Variants in CLSTN2 observed in about 807,000 individuals in gnomAD.
The protein encoded by CLSTN2 is calsyntenin 2, also known as calsyntenin-2.
In CLSTN2, 48 loss-of-function variants were observed where a neutral mutation model predicts 101.2. That is an observed-to-expected ratio of 0.47 (90% CI 0.38 to 0.60). CLSTN2 has a LOEUF of 0.60. Among genes scored for constraint, CLSTN2 ranks in the 20% least tolerant of loss-of-function variants. The pLI is 0.00. For missense variants in CLSTN2, 1,160 were observed against 1,238.2 expected, an observed-to-expected ratio of 0.94 and a Z score of 0.95; for synonymous variants, 481 against 463.6, an observed-to-expected ratio of 1.04 and a Z score of -0.48.
chr3:140,067,232 C>T (rs2008314997), intron 1 of CLSTN2, among the ~76,000 whole-genome samples: 1 of 149,080 alleles, frequency 6.7e-6, no homozygotes, highest in South Asian at 2.1e-4. Flanking sequence ...AGCAGAGTAA[C>T]ACATGCTTGG....
At chr3:140,462,125 C>T (rs1244443675) in intron 7 of CLSTN2, among the ~76,000 whole-genome samples, 1 of 152,086 alleles carries the variant, frequency 6.6e-6, no homozygotes, top group Non-Finnish European at 1.5e-5. Flanking sequence ...ACATTTAGTA[C>T]ATTTCATTAC....
intron 2 of CLSTN2, among the ~76,000 whole-genome samples, chr3:140,242,590 T>C (rs2086479281): frequency 6.6e-6 from 1 of 152,122 alleles, no homozygotes; most frequent in Non-Finnish European, 1.5e-5. Flanking sequence ...TTCCACTTGG[T>C]TGGGAACTAC....
intron 1 of CLSTN2, among the ~76,000 whole-genome samples, chr3:140,126,589 T>C (rs2009434938): frequency 6.6e-6 from 1 of 152,066 alleles, no homozygotes; most frequent in Non-Finnish European, 1.5e-5. Context: ...GCCTAGCATA[T>C]GGGTTTGGAG....
intron 1 of CLSTN2, among the ~76,000 whole-genome samples, chr3:140,030,706 G>A (rs1305451463): frequency 2.0e-5 from 3 of 152,304 alleles, no homozygotes; most frequent in African/African-American, 7.2e-5. Flanking sequence ...GAGAAAGATA[G>A]TTCTAATACT....
chr3:140,055,235 T>C (rs1246021823), intron 1 of CLSTN2, among the ~76,000 whole-genome samples: 1 of 152,248 alleles, frequency 6.6e-6, no homozygotes, highest in Non-Finnish European at 1.5e-5. Context: ...TTTCTTACTC[T>C]GCTTATCTTG....
intron 1 of CLSTN2, among the ~76,000 whole-genome samples, chr3:140,011,438 C>G (rs1226157138): frequency 1.3e-5 from 2 of 152,154 alleles, no homozygotes; most frequent in Non-Finnish European, 1.5e-5. Context: ...TCATTTTTCT[C>G]TACCGCAGAT....
At chr3:140,300,107 A>T (rs777957396) in intron 2 of CLSTN2, among the ~76,000 whole-genome samples, 1 of 152,170 alleles carries the variant, frequency 6.6e-6, no homozygotes, top group Admixed American at 6.5e-5. Context: ...TCTCGCTCCC[A>T]ATCTCCACCT....
At chr3:140,142,231 G>C (rs916890289) in intron 1 of CLSTN2, among the ~76,000 whole-genome samples, 1 of 152,180 alleles carries the variant, frequency 6.6e-6, no homozygotes, top group Non-Finnish European at 1.5e-5. Context: ...TGATGCTGAG[G>C]GCAGGGCTCG....
chr3:140,319,474 G>A (rs899420769), intron 2 of CLSTN2, among the ~76,000 whole-genome samples: 2 of 152,212 alleles, frequency 1.3e-5, no homozygotes, highest in African/African-American at 4.8e-5. Context: ...CTGAGCCATG[G>A]TCATGAAAAT....
chr3:140,303,453 TTC>T (rs2087079583), intron 2 of CLSTN2, among the ~76,000 whole-genome samples: 1 of 152,152 alleles, frequency 6.6e-6, no homozygotes, highest in African/African-American at 2.4e-5. Flanking sequence ...GTCATTTAGC[TTC>T]TCTCACAGTT....
chr3:140,306,916 G>A (rs1241868392), intron 2 of CLSTN2, among the ~76,000 whole-genome samples: 1 of 150,872 alleles, frequency 6.6e-6, no homozygotes, highest in Non-Finnish European at 1.5e-5. Flanking sequence ...CTACATGAGT[G>A]ACATGGTTTG....
At chr3:140,170,866 G>A (rs988802393) in intron 1 of CLSTN2, among the ~76,000 whole-genome samples, 2 of 152,168 alleles carry the variant, frequency 1.3e-5, no homozygotes, top group Admixed American at 1.3e-4. Flanking sequence ...CTGAAACTCT[G>A]AGAGGCCAGA....
chr3:140,246,440 A>G (rs1158908575), intron 2 of CLSTN2, among the ~76,000 whole-genome samples: 3 of 152,118 alleles, frequency 2.0e-5, no homozygotes, highest in Non-Finnish European at 2.9e-5. Flanking sequence ...AGCCAGGTGA[A>G]GGAATCGGAC....
At chr3:140,198,757 G>GTAACCATTTAAAATA (rs1377519348) in intron 2 of CLSTN2, among the ~76,000 whole-genome samples, 1 of 152,198 alleles carries the variant, frequency 6.6e-6, no homozygotes, top group Non-Finnish European at 1.5e-5. Flanking sequence ...CATTTAAAAT[G>GTAACCATTTAAAATA]TAACCATTTA....
intron 2 of CLSTN2, among the ~76,000 whole-genome samples, chr3:140,375,684 G>T (rs540762374): frequency 2.6e-5 from 4 of 151,978 alleles, no homozygotes; most frequent in Admixed American, 2.6e-4. Flanking sequence ...CTCTCATCAC[G>T]TTCAACTTTT....
At chr3:140,391,956 A>G (rs2088119023) in intron 2 of CLSTN2, among the ~76,000 whole-genome samples, 1 of 152,166 alleles carries the variant, frequency 6.6e-6, no homozygotes. Flanking sequence ...ATGTGAATTA[A>G]CCATCTAAAG....
chr3:140,027,653 G>A (rs572515459), intron 1 of CLSTN2, among the ~76,000 whole-genome samples: 1 of 152,246 alleles, frequency 6.6e-6, no homozygotes, highest in African/African-American at 2.4e-5. Flanking sequence ...CTGAGAACTG[G>A]AGTTCAGGTC....
chr3:140,079,245 T>A (rs1407747240), intron 1 of CLSTN2, among the ~76,000 whole-genome samples: 1 of 152,164 alleles, frequency 6.6e-6, no homozygotes, highest in Non-Finnish European at 1.5e-5. Flanking sequence ...GTCTCCCAAT[T>A]CAATGAACTC....
chr3:140,361,915 G>A (rs1476039728), intron 2 of CLSTN2, among the ~76,000 whole-genome samples: 2 of 152,096 alleles, frequency 1.3e-5, no homozygotes, highest in Admixed American at 6.6e-5. Flanking sequence ...AAATTCATTG[G>A]CAGATTAAAC....
Sources: allele counts gnomAD v4.1 joint callset (sites outside exome capture counted in the v4.1 genomes callset), GRCh38; gene constraint gnomAD v4.1.1; transcripts MANE v1.5; gene names NCBI Gene and HGNC (gene_info 2026-07-23, HGNC 2026-07-21).